The following NELL1 variants were observed in gnomAD, a reference collection of about 807,000 sequenced individuals.
NELL1 encodes neural EGFL like 1.
A neutral mutation model predicts 107.4 loss-of-function variants in NELL1; 76 were observed. That is an observed-to-expected ratio of 0.71 (90% confidence interval 0.59 to 0.86). The LOEUF (loss-of-function observed/expected upper bound fraction) is 0.86, where lower values mean the gene tolerates loss of function less well. Ranked by LOEUF, NELL1 falls within the 40% of genes least tolerant of loss-of-function variation. NELL1 has a pLI of 0.00. For missense variants in NELL1, 1,024 were observed against 1,005.5 expected, an observed-to-expected ratio of 1.02 and a Z score of -0.25; for synonymous variants, 353 against 341.2, an observed-to-expected ratio of 1.03 and a Z score of -0.38.
At chr11:21,077,400 G>C (rs1405765512) in intron 12 of NELL1, among the ~76,000 whole-genome samples, 2 of 152,086 alleles carry the variant, frequency 1.3e-5, no homozygotes, top group Non-Finnish European at 1.5e-5. Context: ...GAGATGATAG[G>C]CATCTTGACT....
At chr11:20,690,267 G>A (rs1590207256) in intron 2 of NELL1, among the ~76,000 whole-genome samples, 1 of 151,756 alleles carries the variant, frequency 6.6e-6, no homozygotes, top group East Asian at 1.9e-4. Context: ...CTTTTGCTGT[G>A]CAGAAGCTCT....
rs116261408 is a variant in NELL1, at chr11:21,002,234, C to T, written c.1300+41674C>T. Among the ~76,000 whole-genome samples the T allele has an allele frequency of 8.2e-3, 974 of 118,316 alleles. 6 individuals are homozygous for T. Among genetic ancestry groups the T allele is most frequent in the African/African-American group, 0.04 (926 of 22,962 alleles). The allele number at this position is 118,316 out of a possible 152,430, so 77.6% of individuals were successfully genotyped here. ...GCATTTCAGAGGAGAATCTACATATCGAAGCCATAAAAGGCTTTAGACTAG... is the reference window on the plus strand; with the variant it reads ...GCATTTCAGAGGAGAATCTACATATTGAAGCCATAAAAGGCTTTAGACTAG... On this transcript the variant is annotated intron_variant, in intron 12 of 19. Coordinates refer to ENST00000357134, the MANE Select transcript of NELL1 (RefSeq NM_006157.5).
chr11:21,337,817 CTTCTTTCTTTCTTTCTTTCTTTTCT>C (rs1398120600), intron 14 of NELL1, among the ~76,000 whole-genome samples: 45 of 32,376 alleles, frequency 1.4e-3, no homozygotes, highest in Non-Finnish European at 1.0e-3. Context: ...TCTTGCTTTC[CTTCTTTCTTTCTTTCTTTCTTTTCT>C]TTCTTTCTTT....
intron 3 of NELL1, among the ~76,000 whole-genome samples, chr11:20,843,596 AAATATAAAATTTTATATAAATATATG>A (rs1848655686): frequency 1.4e-5 from 2 of 147,316 alleles, no homozygotes. Flanking sequence ...TATATTATAT[AAATATAAAATTTTATATAAATATATG>A]AATATAAAAT....
chr11:21,098,049 T>G (rs1315488966), intron 12 of NELL1, among the ~76,000 whole-genome samples: 1 of 151,852 alleles, frequency 6.6e-6, no homozygotes, highest in African/African-American at 2.4e-5. Context: ...GTCCTCAGGA[T>G]GAAGTTTACA....
intron 13 of NELL1, 134 bp downstream of exon 13, chr11:21,113,848 A>G (rs1338724430): frequency 2.4e-6 from 2 of 842,448 alleles, no homozygotes; most frequent in Non-Finnish European, 3.5e-6. Flanking sequence ...ACTTCACCCC[A>G]CCTTTTGAGA....
intron 14 of NELL1, among the ~76,000 whole-genome samples, chr11:21,357,321 GT>G (rs1277106407): frequency 6.6e-6 from 1 of 151,984 alleles, no homozygotes; most frequent in Non-Finnish European, 1.5e-5. Flanking sequence ...CATCTTTATT[GT>G]TTTTTTACTT....
intron 2 of NELL1, among the ~76,000 whole-genome samples, chr11:20,743,756 CAAAT>C (rs1378824451): frequency 6.6e-5 from 10 of 152,162 alleles, no homozygotes; most frequent in Non-Finnish European, 1.2e-4. Context: ...CACATGGCTC[CAAAT>C]ATCATCTGTA....
intron 15 of NELL1, among the ~76,000 whole-genome samples, chr11:21,486,841 C>G (rs543117884): frequency 6.6e-6 from 1 of 151,776 alleles, no homozygotes; most frequent in Non-Finnish European, 1.5e-5. Flanking sequence ...CATTTGGAAA[C>G]TTTGATAATA....
intron 11 of NELL1, among the ~76,000 whole-genome samples, chr11:20,955,510 T>G (rs1397429070): frequency 6.6e-6 from 1 of 152,188 alleles, no homozygotes; most frequent in Admixed American, 6.5e-5. Context: ...ATTTGTACTT[T>G]TTATCTTGAA....
chr11:21,001,201 T>G (rs1194263333), intron 12 of NELL1, among the ~76,000 whole-genome samples: 2 of 152,194 alleles, frequency 1.3e-5, no homozygotes, highest in African/African-American at 2.4e-5. Context: ...TGGTAAGAAC[T>G]CCTGACTTCT....
intron 12 of NELL1, among the ~76,000 whole-genome samples, chr11:21,082,741 T>C (rs928615076): frequency 4.6e-5 from 7 of 152,206 alleles, no homozygotes; most frequent in Admixed American, 1.3e-4. Flanking sequence ...AGTTAATTTT[T>C]CCTACACAAG....
At chr11:20,791,316 G>A (rs1034370200) in intron 3 of NELL1, among the ~76,000 whole-genome samples, 1 of 151,746 alleles carries the variant, frequency 6.6e-6, no homozygotes, top group African/African-American at 2.4e-5. Context: ...TTTATTCCTA[G>A]GTGTATTTTT....
chr11:21,413,815 ACAATTTGAAT>A (rs1852437519), intron 15 of NELL1, among the ~76,000 whole-genome samples: 1 of 152,130 alleles, frequency 6.6e-6, no homozygotes, highest in Non-Finnish European at 1.5e-5. Context: ...ATGACCTGTC[ACAATTTGAAT>A]CAATCCTTCC....
chr11:21,061,025 A>T (rs1209697732), intron 12 of NELL1, among the ~76,000 whole-genome samples: 1 of 152,114 alleles, frequency 6.6e-6, no homozygotes, highest in Non-Finnish European at 1.5e-5. Flanking sequence ...GTGAGCCACC[A>T]CGCCTGGCCC....
At chr11:21,279,382 GT>G (rs1848941712) in intron 14 of NELL1, among the ~76,000 whole-genome samples, 1 of 152,188 alleles carries the variant, frequency 6.6e-6, no homozygotes, top group Non-Finnish European at 1.5e-5. Flanking sequence ...ATAAAGGACT[GT>G]TGTCCGAAAT....
intron 14 of NELL1, among the ~76,000 whole-genome samples, chr11:21,328,406 G>T (rs1202785519): frequency 6.6e-6 from 1 of 152,140 alleles, no homozygotes; most frequent in Non-Finnish European, 1.5e-5. Context: ...CTTCCGCCTA[G>T]ATTTCAGAGG....
At chr11:21,302,644 C>T (rs1849518549) in intron 14 of NELL1, among the ~76,000 whole-genome samples, 1 of 151,958 alleles carries the variant, frequency 6.6e-6, no homozygotes, top group South Asian at 2.1e-4. Context: ...GCCCTCTTCT[C>T]AGTAATTAAA....
chr11:20,756,141 A>G (rs973900525), intron 2 of NELL1, among the ~76,000 whole-genome samples: 2 of 151,794 alleles, frequency 1.3e-5, no homozygotes, highest in African/African-American at 4.8e-5. Flanking sequence ...CGGCCCCCCA[A>G]AGTGCTGGGA....
Sources: gnomAD v4.1 joint callset for allele counts (sites outside exome capture counted in the v4.1 genomes callset) on GRCh38, gnomAD v4.1.1 for gene constraint, MANE v1.5 for transcripts, NCBI Gene and HGNC (gene_info 2026-07-23, HGNC 2026-07-21) for gene names.